VAPB: variants seen among roughly 807,000 people sequenced by gnomAD.
VAPB encodes the protein vesicle-associated membrane protein-associated protein B/C.
In VAPB, 7 loss-of-function variants were observed where a neutral mutation model predicts 25.6. The ratio of observed to expected loss-of-function variants is 0.27; its 90% confidence interval spans 0.16 to 0.51. The LOEUF (loss-of-function observed/expected upper bound fraction) is 0.51, where lower values mean the gene tolerates loss of function less well. Among genes scored for constraint, VAPB ranks in the 20% least tolerant of loss-of-function variants. The probability of loss-of-function intolerance (pLI) is 0.97; values close to 1 mark genes in which losing one functional copy is unlikely to be tolerated. For missense variants in VAPB, 266 were observed against 301.3 expected, an observed-to-expected ratio of 0.88 and a Z score of 0.87; for synonymous variants, 112 against 109.2, an observed-to-expected ratio of 1.03 and a Z score of -0.16.
intron 1 of VAPB, among the ~76,000 whole-genome samples, chr20:58,395,264 G>C (rs538247063): frequency 6.7e-6 from 1 of 149,674 alleles, no homozygotes; most frequent in Non-Finnish European, 1.5e-5. Flanking sequence ...CGATTCTCCT[G>C]CCTCAGCCTC....
In VAPB at chr20:58,445,350, C is replaced by G. The variant is rs1042897739; in HGVS notation, c.*1115C>G. 8.8e-6 allele frequency: 4 copies of G among 454,350 alleles called. No individual in the cohort carries two copies. Among genetic ancestry groups the G allele is most frequent in the African/African-American group, 4.0e-5 (2 of 49,966 alleles). 28.1% of individuals were successfully genotyped at this position (454,350 alleles called of 1,614,324 possible). On this transcript the variant is annotated 3_prime_UTR_variant, in exon 6 of 6. Coordinates refer to ENST00000475243, the MANE Select transcript of VAPB (RefSeq NM_004738.5). ...TAGCCTGGAGTCAGGACAAATGGAT[C>G]GGGCTGCAGAGGGTTAGAAGCGAGG...
At position 58,431,659 on chromosome 20, in the gene VAPB, C is replaced by T. The variant is rs545258952; in HGVS notation, c.212-2943C>T. On this transcript the variant is annotated intron_variant, in intron 2 of 5. Transcript: ENST00000475243. ...TATCATAGCTCTCTGCAGCCTCCATCTCCCAGGCCTAAGCAGTCCTTCCAC... is the reference window on the plus strand; with the variant it reads ...TATCATAGCTCTCTGCAGCCTCCATTTCCCAGGCCTAAGCAGTCCTTCCAC... The T allele has an allele frequency of 4.6e-5, 7 of 152,100 alleles. No individual in the cohort carries two copies. In the South Asian group the frequency reaches 1.0e-3, roughly 23 times the overall value. 9.4% of individuals were successfully genotyped at this position (152,100 alleles called of 1,614,324 possible). A position where few individuals can be genotyped will look rare whatever the true frequency, so the allele number is the denominator to read the frequency against.
At chr20:58,406,134 A>G (rs1312372022) in intron 1 of VAPB, among the ~76,000 whole-genome samples, 2 of 152,086 alleles carry the variant, frequency 1.3e-5, no homozygotes, top group African/African-American at 4.8e-5. Context: ...TGCTCAGTAC[A>G]CTTGCAACGA....
At chr20:58,432,999 G>T (rs1305857729) in intron 2 of VAPB, among the ~76,000 whole-genome samples, 2 of 152,166 alleles carry the variant, frequency 1.3e-5, no homozygotes, top group Non-Finnish European at 2.9e-5. Flanking sequence ...AAGCTGTCTG[G>T]GTGACTAGGG....
intron 2 of VAPB, among the ~76,000 whole-genome samples, chr20:58,422,317 A>G: frequency 6.6e-6 from 1 of 152,198 alleles, no homozygotes; most frequent in East Asian, 1.9e-4. Context: ...CATGATACAT[A>G]CTATCAACTA....
chr20:58,436,031 G>A (rs1989037483), intron 3 of VAPB, among the ~76,000 whole-genome samples: 1 of 152,042 alleles, frequency 6.6e-6, no homozygotes, highest in Admixed American at 6.6e-5. Flanking sequence ...GTAAAATAGG[G>A]ATAAAAATGC....
rs1314454579 is a variant in VAPB at position 58,445,899 on chromosome 20, T to C, written c.*1664T>C. The stretch of plus-strand genomic sequence containing the variant: ...ACGGGCGTTCTGGGCACAGTCCCAC[T>C]GTGCACAGGTTTGAGAGGACAAGTT... On this transcript the variant is annotated 3_prime_UTR_variant, in exon 6 of 6. Coordinates refer to ENST00000475243, the MANE Select transcript of VAPB (RefSeq NM_004738.5). 1 of 453,898 alleles carries C rather than the reference T, an allele frequency of 2.2e-6. No homozygotes were observed. The highest frequency in any genetic ancestry group is 4.4e-6 in the Non-Finnish European group (1 of 226,772). 28.1% of individuals were successfully genotyped at this position (453,898 alleles called of 1,614,324 possible). A position where few individuals can be genotyped will look rare whatever the true frequency, so the allele number is the denominator to read the frequency against.
rs1989352516 is a variant in VAPB at position 58,448,513 on chromosome 20, C to T, written c.*4278C>T. ...CTGTTTGCATACGAAGAAATAAAGG[C>T]TCCAGGAGGTTAAATCGGGCAACTT... On this transcript the variant is annotated 3_prime_UTR_variant, in exon 6 of 6. Coordinates refer to ENST00000475243, the MANE Select transcript of VAPB (RefSeq NM_004738.5). The T allele has an allele frequency of 2.2e-6, 1 of 454,076 alleles. No homozygotes were observed. Among genetic ancestry groups the T allele is most frequent in the South Asian group, 1.6e-5 (1 of 64,480 alleles). 28.1% of individuals were successfully genotyped at this position (454,076 alleles called of 1,614,324 possible).
chr20:58,431,363 C>G (rs932279000), intron 2 of VAPB: 2 of 152,140 alleles, frequency 1.3e-5, no homozygotes, highest in Admixed American at 6.5e-5. Flanking sequence ...CCATGAAGCT[C>G]TGGTTGGCAG....
At chr20:58,438,368 C>G (rs1205714190) in intron 3 of VAPB, among the ~76,000 whole-genome samples, 1 of 152,206 alleles carries the variant, frequency 6.6e-6, no homozygotes, top group Non-Finnish European at 1.5e-5. Flanking sequence ...GCCTCCACCT[C>G]CTGGGCCCAA....
chr20:58,391,775 C>T (rs993848236), intron 1 of VAPB, among the ~76,000 whole-genome samples: 4 of 152,144 alleles, frequency 2.6e-5, no homozygotes, highest in African/African-American at 9.7e-5. Flanking sequence ...TCAAGTGATC[C>T]GCCCTCCTTG....
chr20:58,434,375 T>A (rs754228388), intron 2 of VAPB, among the ~76,000 whole-genome samples: 78 of 152,146 alleles, frequency 5.1e-4, no homozygotes, highest in Admixed American at 2.7e-3. Flanking sequence ...GAAGACTGGG[T>A]CCTCGGCCTT....
chr20:58,396,346 A>G (rs1254925255), intron 1 of VAPB, among the ~76,000 whole-genome samples: 2 of 152,134 alleles, frequency 1.3e-5, no homozygotes, highest in African/African-American at 4.8e-5. Context: ...CAATTACTAC[A>G]TTGTTGGCAT....
rs1014945784 is a variant in VAPB at position 58,427,137 on chromosome 20, A to G, written c.212-7465A>G. Among the ~76,000 whole-genome samples the G allele has an allele frequency of 2.7e-5, 4 of 148,406 alleles. No homozygotes were observed. The East Asian group carries it at 8.0e-4, about 30-fold the overall frequency. On this transcript the variant is annotated intron_variant, in intron 2 of 5. Coordinates refer to ENST00000475243, the MANE Select transcript of VAPB (RefSeq NM_004738.5). ...CTGTGATCTGTTACCATTATGATGC[A>G]GGTCCATGATCTGTTACCATTATGA...
At chr20:58,392,102 T>C (rs1412944124) in intron 1 of VAPB, among the ~76,000 whole-genome samples, 2 of 152,222 alleles carry the variant, frequency 1.3e-5, no homozygotes, top group Non-Finnish European at 2.9e-5. Context: ...TTCAATTGTT[T>C]TACTGAAAGA....
At chr20:58,441,859 C>T (rs1256385586) in intron 5 of VAPB, among the ~76,000 whole-genome samples, 1 of 152,172 alleles carries the variant, frequency 6.6e-6, no homozygotes, top group Admixed American at 6.5e-5. Context: ...GCAGTTGTGG[C>T]TCATCAAACT....
Position 58,446,747 on chromosome 20 carries a change from T to C in VAPB, c.*2512T>C. On this transcript the variant is annotated 3_prime_UTR_variant, in exon 6 of 6. Transcript: ENST00000475243. ...TGACTGAGTGGCAGAAGGAAACTGC[T>C]CAGGAAGAGAAACAGGTGACTGATG... 2.2e-6 allele frequency: 1 copy of C among 453,998 alleles called. No individual in the cohort carries two copies. Among genetic ancestry groups the C allele is most frequent in the South Asian group, 1.6e-5 (1 of 64,480 alleles). The allele number at this position is 453,998 out of a possible 1,614,324, so 28.1% of individuals were successfully genotyped here.
intron 3 of VAPB, among the ~76,000 whole-genome samples, chr20:58,435,106 G>A (rs1363559086): frequency 6.6e-6 from 1 of 152,142 alleles, no homozygotes; most frequent in Non-Finnish European, 1.5e-5. Context: ...AGCCATGTGA[G>A]AGTGTCAGTG....
Position 58,396,216 on chromosome 20 carries a change from G to A in VAPB, c.58+6699G>A, listed in dbSNP as rs116584358. Among the ~76,000 whole-genome samples, 739 of 152,274 alleles carry A rather than the reference G, an allele frequency of 4.9e-3. 6 individuals carry two copies. Among genetic ancestry groups the A allele is most frequent in the African/African-American group, 0.017 (691 of 41,550 alleles). ...TTCAGAAGGGCTAATATTGACCTTT[G>A]GTTAGCATGTTAGTATTTTCACCTG... is the stretch of plus-strand genomic sequence containing the variant. On this transcript the variant is annotated intron_variant, in intron 1 of 5. Transcript: ENST00000475243.
Sources: allele counts gnomAD v4.1 joint callset (sites outside exome capture counted in the v4.1 genomes callset), GRCh38; gene constraint gnomAD v4.1.1; transcripts MANE v1.5; gene names NCBI Gene and HGNC (gene_info 2026-07-23, HGNC 2026-07-21).